ADAMTSL3: variants seen among roughly 807,000 people sequenced by gnomAD.
The protein encoded by ADAMTSL3 is ADAMTS like 3.
In ADAMTSL3, 128 loss-of-function variants were observed where a neutral mutation model predicts 201.7. The observed-to-expected ratio is 0.63, with a 90% CI of 0.55 to 0.73. The LOEUF (loss-of-function observed/expected upper bound fraction) is 0.73, where lower values mean the gene tolerates loss of function less well. Ranked by LOEUF, ADAMTSL3 falls within the 30% of genes least tolerant of loss-of-function variation. ADAMTSL3 has a pLI of 0.00. For synonymous variants in ADAMTSL3, 738 were observed against 748.4 expected, an observed-to-expected ratio of 0.99 and a Z score of 0.23; for missense variants, 1,990 against 2,119.6, an observed-to-expected ratio of 0.94 and a Z score of 1.20.
intron 17 of ADAMTSL3, among the ~76,000 whole-genome samples, chr15:83,931,997 A>G (rs1320709494): frequency 6.6e-6 from 1 of 152,240 alleles, no homozygotes; most frequent in East Asian, 1.9e-4. Context: ...AAATCCCTAC[A>G]TAGATATGAA....
intron 5 of ADAMTSL3, among the ~76,000 whole-genome samples, chr15:83,807,204 C>T (rs1007079065): frequency 2.0e-5 from 3 of 152,136 alleles, no homozygotes; most frequent in Non-Finnish European, 4.4e-5. Flanking sequence ...GCCTGTAATC[C>T]CAGCACTTTG....
At chr15:83,822,284 G>A (rs1384184126) in intron 6 of ADAMTSL3, among the ~76,000 whole-genome samples, 1 of 137,936 alleles carries the variant, frequency 7.2e-6, no homozygotes, top group Non-Finnish European at 1.6e-5. Flanking sequence ...CAGACGGGGC[G>A]GCTGCCGGGC....
intron 7 of ADAMTSL3, among the ~76,000 whole-genome samples, chr15:83,856,038 G>C (rs1216517931): frequency 1.3e-5 from 2 of 151,460 alleles, no homozygotes; most frequent in Admixed American, 6.6e-5. Flanking sequence ...CAAAACAAAA[G>C]AAAAACAACA....
chr15:83,993,460 A>ATAT (rs1375994038), intron 23 of ADAMTSL3, among the ~76,000 whole-genome samples: 1 of 152,216 alleles, frequency 6.6e-6, no homozygotes, highest in Non-Finnish European at 1.5e-5. Flanking sequence ...TCAGTGGCAT[A>ATAT]TATAATTTTT....
chr15:83,969,045 C>G (rs1429716611), intron 19 of ADAMTSL3, among the ~76,000 whole-genome samples: 1 of 152,108 alleles, frequency 6.6e-6, no homozygotes, highest in African/African-American at 2.4e-5. Flanking sequence ...GAAGAAATAC[C>G]TAATGTAGAT....
chr15:83,692,982 A>G (rs1175947133), intron 2 of ADAMTSL3, among the ~76,000 whole-genome samples: 2 of 152,136 alleles, frequency 1.3e-5, no homozygotes, highest in African/African-American at 2.4e-5. Context: ...ATAAACATGA[A>G]TGTGTCCCCG....
At chr15:83,821,699 A>C (rs976969577) in intron 6 of ADAMTSL3, among the ~76,000 whole-genome samples, 2 of 152,136 alleles carry the variant, frequency 1.3e-5, no homozygotes, top group Non-Finnish European at 2.9e-5. Context: ...ACCTTTCCCC[A>C]CTTTCTATTC....
At chr15:83,791,640 C>T (rs1423263493) in intron 4 of ADAMTSL3, among the ~76,000 whole-genome samples, 2 of 152,050 alleles carry the variant, frequency 1.3e-5, no homozygotes, top group Non-Finnish European at 2.9e-5. Flanking sequence ...GGGCAGATCA[C>T]GAGGTCAGGA....
At position 83,823,972 on chromosome 15, in the gene ADAMTSL3, TCTC is replaced by T. The variant is rs1186674867; in HGVS notation, c.600+3943_600+3945del. Among the ~76,000 whole-genome samples the T allele has an allele frequency of 3.8e-3, 273 of 71,168 alleles. 7 individuals carry two copies. Among genetic ancestry groups the T allele is most frequent in the East Asian group, 0.011 (29 of 2,572 alleles). The allele number at this position is 71,168 out of a possible 152,430, so 46.7% of individuals were successfully genotyped here. On this transcript the variant is annotated intron_variant, in intron 6 of 29. Transcript: ENST00000286744. ...TTCTTCTTCTTCTTCTTCTTCTTCT[TCTC>T]CTCCTCCTCCTCCTCCTTCTCCTTC...
chr15:83,728,193 T>C (rs1027295558), intron 3 of ADAMTSL3, among the ~76,000 whole-genome samples: 5 of 152,028 alleles, frequency 3.3e-5, no homozygotes, highest in African/African-American at 1.2e-4. Context: ...TCTTTCTTGG[T>C]TTCCATTGAC....
intron 2 of ADAMTSL3, among the ~76,000 whole-genome samples, chr15:83,701,609 A>G (rs899995485): frequency 6.6e-6 from 1 of 152,210 alleles, no homozygotes; most frequent in Non-Finnish European, 1.5e-5. Flanking sequence ...TTCTCATGGC[A>G]GTGAATAAGT....
intron 10 of ADAMTSL3, among the ~76,000 whole-genome samples, chr15:83,887,692 C>T (rs913107985): frequency 2.0e-5 from 3 of 152,178 alleles, no homozygotes; most frequent in Non-Finnish European, 2.9e-5. Flanking sequence ...TGGGCTCAAG[C>T]GATCCTCCAG....
intron 23 of ADAMTSL3, among the ~76,000 whole-genome samples, chr15:84,007,712 G>A (rs1398619152): frequency 2.0e-5 from 3 of 152,188 alleles, no homozygotes; most frequent in African/African-American, 7.2e-5. Context: ...GAAGCCATTA[G>A]AGGATTCTAA....
intron 3 of ADAMTSL3, among the ~76,000 whole-genome samples, chr15:83,721,718 A>G (rs1293428280): frequency 6.6e-6 from 1 of 152,012 alleles, no homozygotes; most frequent in African/African-American, 2.4e-5. Flanking sequence ...AGACACTAGC[A>G]TATTTATGTG....
At position 84,025,434 on chromosome 15, in the gene ADAMTSL3, C is replaced by G. The variant is rs748231362; in HGVS notation, c.4654C>G (p.Arg1552Gly). The change falls in exon 27 of 30, where the codon CGG becomes GGG. Residue 1552 changes from arginine to glycine, a missense_variant and splice_region_variant. Arg to Gly is a moderately radical substitution (Grantham distance 125). Transcript: ENST00000286744. ...ATGTGTTCAGTGGGAACCAGGGAAC[C>G]GGGTAAAGCTAACACATCTAGTTTG... ...HPCVQWEPGNRCPGRCMGRAV... is the reference protein window; with the variant it reads ...HPCVQWEPGNGCPGRCMGRAV... The G allele has an allele frequency of 6.2e-7, 1 of 1,613,328 alleles. No individual in the cohort carries two copies. The highest frequency in any genetic ancestry group is 1.1e-5 in the South Asian group (1 of 90,892).
At chr15:83,903,872 C>T (rs2065775364) in intron 15 of ADAMTSL3, among the ~76,000 whole-genome samples, 1 of 130,264 alleles carries the variant, frequency 7.7e-6, no homozygotes, top group South Asian at 2.7e-4. Flanking sequence ...GAGCTGAGAT[C>T]CTGCTACTGC....
At chr15:84,022,719 T>C (rs1449745875) in intron 26 of ADAMTSL3, among the ~76,000 whole-genome samples, 1 of 152,210 alleles carries the variant, frequency 6.6e-6, no homozygotes, top group East Asian at 1.9e-4. Context: ...ACTGAGTAAA[T>C]GAGTGGAAGA....
chr15:83,970,235 C>T (rs1475642033), intron 19 of ADAMTSL3, among the ~76,000 whole-genome samples: 4 of 142,786 alleles, frequency 2.8e-5, no homozygotes, highest in East Asian at 4.1e-4. Context: ...AGGGGGAGGG[C>T]GGTAGAGAGG....
chr15:83,831,248 G>A (rs1001709136), intron 6 of ADAMTSL3, among the ~76,000 whole-genome samples: 1 of 152,066 alleles, frequency 6.6e-6, no homozygotes, highest in Non-Finnish European at 1.5e-5. Context: ...TTCCACATAT[G>A]GTCACATTCA....
Sources: gnomAD v4.1 joint callset for allele counts (sites outside exome capture counted in the v4.1 genomes callset) on GRCh38, gnomAD v4.1.1 for gene constraint, MANE v1.5 for transcripts, NCBI Gene and HGNC (gene_info 2026-07-23, HGNC 2026-07-21) for gene names.